RHOBTB1: variants seen among roughly 807,000 people sequenced by gnomAD.
RHOBTB1 encodes the protein rho-related BTB domain-containing protein 1.
In RHOBTB1, 40 loss-of-function variants were observed where a neutral mutation model predicts 71.6. The observed-to-expected ratio is 0.56, with a 90% CI of 0.43 to 0.73. RHOBTB1 has a LOEUF of 0.73. Ranked by LOEUF, RHOBTB1 falls within the 30% of genes least tolerant of loss-of-function variation. The probability of loss-of-function intolerance (pLI) is 0.00; values close to 1 mark genes in which losing one functional copy is unlikely to be tolerated. For synonymous variants in RHOBTB1, 319 were observed against 334.9 expected (o/e 0.95, Z 0.52); for missense variants, 797 against 894.0 (o/e 0.89, Z 1.38).
intron 5 of RHOBTB1, among the ~76,000 whole-genome samples, chr10:60,892,563 T>G (rs1291699139): frequency 6.6e-6 from 1 of 152,236 alleles, no homozygotes; most frequent in Non-Finnish European, 1.5e-5. Flanking sequence ...CACACTTTCA[T>G]AATTAGAGAA....
chr10:60,993,540 T>C (rs910083155), intron 1 of RHOBTB1, among the ~76,000 whole-genome samples: 1 of 152,154 alleles, frequency 6.6e-6, no homozygotes, highest in African/African-American at 2.4e-5. Flanking sequence ...AGAACAAAAT[T>C]TGTTACTATC....
chr10:60,928,330 C>CA (rs59082796), intron 2 of RHOBTB1, among the ~76,000 whole-genome samples: 83 of 146,794 alleles, frequency 5.7e-4, no homozygotes, highest in Admixed American at 2.0e-3. Flanking sequence ...ATATCCAAAA[C>CA]AAAAAAAAAA....
At chr10:60,906,901 G>A (rs144750777) in intron 4 of RHOBTB1, among the ~76,000 whole-genome samples, 171 of 152,320 alleles carry the variant, frequency 1.1e-3, no homozygotes, top group Middle Eastern at 3.4e-3. Context: ...ATCTCGAATC[G>A]TAGCTCCCGT....
intron 2 of RHOBTB1, among the ~76,000 whole-genome samples, chr10:60,922,323 T>C (rs1485451830): frequency 1.3e-5 from 2 of 152,110 alleles, no homozygotes; most frequent in Non-Finnish European, 2.9e-5. Context: ...AAAATGCAAT[T>C]AGCTGCACTT....
chr10:60,969,590 A>C (rs1362612919), intron 2 of RHOBTB1, among the ~76,000 whole-genome samples: 1 of 152,036 alleles, frequency 6.6e-6, no homozygotes, highest in Non-Finnish European at 1.5e-5. Context: ...AGAGAGACAG[A>C]TTATGGCTCA....
At chr10:60,946,387 A>C (rs2134334243), upstream of RHOBTB1, among the ~76,000 whole-genome samples, 1 of 152,292 alleles carries the variant, frequency 6.6e-6, no homozygotes, top group Admixed American at 6.5e-5. Flanking sequence ...AGAAACTCAA[A>C]AGAAATGGGA....
chr10:60,914,251 A>T (rs2083150544), intron 2 of RHOBTB1, among the ~76,000 whole-genome samples: 1 of 152,146 alleles, frequency 6.6e-6, no homozygotes, highest in Admixed American at 6.5e-5. Context: ...AGTTGGAAAG[A>T]TGGGTTAAAA....
intron 2 of RHOBTB1, among the ~76,000 whole-genome samples, chr10:60,914,442 A>T (rs377318779): frequency 9.7e-4 from 148 of 152,232 alleles, no homozygotes; most frequent in African/African-American, 3.2e-3. Context: ...GTGGTGGGAA[A>T]CCTTACTCTT....
chr10:61,001,409 T>TACCTGG (rs1438568385), exon 1 of RHOBTB1: 1 of 151,196 alleles, frequency 6.6e-6, no homozygotes, highest in Non-Finnish European at 1.5e-5. Flanking sequence ...CTGGGGACGC[T>TACCTGG]GGAAGCTCCC....
At chr10:60,903,172 T>C (rs2082491630) in intron 4 of RHOBTB1, among the ~76,000 whole-genome samples, 1 of 152,112 alleles carries the variant, frequency 6.6e-6, no homozygotes, top group Admixed American at 6.5e-5. Context: ...TCTTAGCATA[T>C]GAGTAGTGAT....
At chr10:60,943,463 T>C (rs2085029929) in intron 1 of RHOBTB1, among the ~76,000 whole-genome samples, 1 of 151,754 alleles carries the variant, frequency 6.6e-6, no homozygotes, top group Non-Finnish European at 1.5e-5. Context: ...TCACAGCAAC[T>C]CACAACAGAC....
intron 7 of RHOBTB1, among the ~76,000 whole-genome samples, chr10:60,881,175 T>C (rs771486370): frequency 3.4e-4 from 51 of 152,212 alleles, no homozygotes; most frequent in Admixed American, 8.5e-4. Context: ...CCATGTAAGA[T>C]GTGCCTTTTG....
upstream of RHOBTB1, among the ~76,000 whole-genome samples, chr10:60,947,518 G>A (rs978679701): frequency 2.0e-5 from 3 of 151,992 alleles, no homozygotes; most frequent in Non-Finnish European, 4.4e-5. Flanking sequence ...TCCATCTCTA[G>A]AGTTTTTTTA....
At chr10:60,947,697 G>A (rs1482713251), upstream of RHOBTB1, among the ~76,000 whole-genome samples, 1 of 152,062 alleles carries the variant, frequency 6.6e-6, no homozygotes, top group Admixed American at 6.5e-5. Context: ...TTATTGCATG[G>A]ATGTATCAGA....
chr10:60,916,906 C>T (rs1275381159), intron 2 of RHOBTB1, among the ~76,000 whole-genome samples: 1 of 152,150 alleles, frequency 6.6e-6, no homozygotes, highest in Non-Finnish European at 1.5e-5. Flanking sequence ...AAGTCAGAGT[C>T]AGAGAGAAAT....
At chr10:60,988,189 C>A (rs1565200377) in intron 1 of RHOBTB1, among the ~76,000 whole-genome samples, 1 of 152,066 alleles carries the variant, frequency 6.6e-6, no homozygotes, top group Non-Finnish European at 1.5e-5. Context: ...CCGCCTCGGC[C>A]TCCCAAAGTG....
chr10:60,886,325 T>A, intron 6 of RHOBTB1, 95 bp from the exon 7 acceptor site: 1 of 792,786 alleles, frequency 1.3e-6, no homozygotes, highest in African/African-American at 1.7e-5. Flanking sequence ...TGCGACTCCC[T>A]TACTCTCTCT....
intron 1 of RHOBTB1, among the ~76,000 whole-genome samples, chr10:60,994,621 T>C (rs1228793887): frequency 1.3e-5 from 2 of 152,074 alleles, no homozygotes; most frequent in Non-Finnish European, 2.9e-5. Flanking sequence ...GGGAAAGATA[T>C]CCTCAGGAAA....
chr10:60,869,066 C>G (rs1229506478), downstream of RHOBTB1, among the ~76,000 whole-genome samples: 1 of 152,230 alleles, frequency 6.6e-6, no homozygotes, highest in Non-Finnish European at 1.5e-5. Context: ...TTGCAGGAAA[C>G]TTTTCATGAA....
Sources: allele counts gnomAD v4.1 joint callset (sites outside exome capture counted in the v4.1 genomes callset), GRCh38; gene constraint gnomAD v4.1.1; transcripts MANE v1.5; gene names NCBI Gene and HGNC (gene_info 2026-07-23, HGNC 2026-07-21).